KCTD8: variants seen among roughly 807,000 people sequenced by gnomAD.
KCTD8 encodes potassium channel tetramerization domain containing 8, also known as BTB/POZ domain-containing protein KCTD8.
In KCTD8, 27 loss-of-function variants were observed where a neutral mutation model predicts 31.5. The ratio of observed to expected loss-of-function variants is 0.86; its 90% CI spans 0.63 to 1.18. KCTD8 has a LOEUF of 1.18. Among genes scored for constraint, KCTD8 ranks in the 50% most tolerant of loss-of-function variants. The pLI is 0.00. For synonymous variants in KCTD8, 290 were observed against 280.0 expected, an observed-to-expected ratio of 1.04 and a Z score of -0.36; for missense variants, 658 against 647.7, an observed-to-expected ratio of 1.02 and a Z score of -0.17.
chr4:44,424,510 A>G (rs17461169), intron 1 of KCTD8, among the ~76,000 whole-genome samples: 8,180 of 152,092 alleles, frequency 0.054, 272 homozygotes, highest in Non-Finnish European at 0.08. Flanking sequence ...ACACCTACAT[A>G]CTGTTTGGGA....
At chr4:44,228,128 G>A (rs2109351276) in intron 1 of KCTD8, among the ~76,000 whole-genome samples, 1 of 152,170 alleles carries the variant, frequency 6.6e-6, no homozygotes, top group Non-Finnish European at 1.5e-5. Context: ...GTTTGCTAGG[G>A]CTGCCTTAAC....
intron 1 of KCTD8, among the ~76,000 whole-genome samples, chr4:44,333,230 C>T (rs1718636031): frequency 1.3e-5 from 2 of 152,128 alleles, no homozygotes; most frequent in East Asian, 1.9e-4. Context: ...TGAAGACAGA[C>T]AATCCAATAC....
At chr4:44,178,620 G>A (rs1387951) in intron 1 of KCTD8, among the ~76,000 whole-genome samples, 1 of 151,292 alleles carries the variant, frequency 6.6e-6, no homozygotes, top group Admixed American at 6.6e-5. Flanking sequence ...GGATAAATAA[G>A]TGATGAAAAA....
chr4:44,237,193 C>A (rs1715318401), intron 1 of KCTD8, among the ~76,000 whole-genome samples: 1 of 152,010 alleles, frequency 6.6e-6, no homozygotes, highest in Non-Finnish European at 1.5e-5. Flanking sequence ...TTTCCCACTG[C>A]ACTCCTAAAA....
chr4:44,220,790 T>C (rs1320728977), intron 1 of KCTD8, among the ~76,000 whole-genome samples: 1 of 152,144 alleles, frequency 6.6e-6, no homozygotes, highest in Non-Finnish European at 1.5e-5. Flanking sequence ...AAGAGAATAT[T>C]TAGGATGAAT....
At chr4:44,343,420 G>GTGACATCACTATTTTATTTA (rs1411360920) in intron 1 of KCTD8, among the ~76,000 whole-genome samples, 2 of 152,208 alleles carry the variant, frequency 1.3e-5, no homozygotes, top group East Asian at 3.9e-4. Flanking sequence ...AAATAAAATA[G>GTGACATCACTATTTTATTTA]TGACATCAAA....
At chr4:44,222,948 A>G (rs552499805) in intron 1 of KCTD8, among the ~76,000 whole-genome samples, 22 of 152,312 alleles carry the variant, frequency 1.4e-4, no homozygotes, top group African/African-American at 5.3e-4. Context: ...TGGTCCTTGT[A>G]AGTTATGATG....
chr4:44,374,930 C>T (rs1719882327), intron 1 of KCTD8, among the ~76,000 whole-genome samples: 1 of 152,002 alleles, frequency 6.6e-6, no homozygotes, highest in Admixed American at 6.6e-5. Flanking sequence ...TGAGCGCATG[C>T]TGTCAGAAAA....
chr4:44,341,943 C>T (rs866126930), intron 1 of KCTD8, among the ~76,000 whole-genome samples: 6 of 152,310 alleles, frequency 3.9e-5, no homozygotes, highest in African/African-American at 9.6e-5. Flanking sequence ...AAATGTATCT[C>T]TTAAATAGTA....
intron 1 of KCTD8, among the ~76,000 whole-genome samples, chr4:44,398,915 C>T (rs1418288599): frequency 6.6e-6 from 1 of 152,076 alleles, no homozygotes; most frequent in East Asian, 1.9e-4. Context: ...ATAGGCCCAG[C>T]CAGATCATCC....
intron 1 of KCTD8, among the ~76,000 whole-genome samples, chr4:44,323,506 C>T (rs563542821): frequency 7.4e-6 from 1 of 134,668 alleles, no homozygotes; most frequent in Non-Finnish European, 1.6e-5. Flanking sequence ...ACCCACCCCC[C>T]CCCAAAAAAA....
At chr4:44,295,064 A>AG (rs1394402609) in intron 1 of KCTD8, among the ~76,000 whole-genome samples, 6 of 152,136 alleles carry the variant, frequency 3.9e-5, no homozygotes, top group Non-Finnish European at 7.4e-5. Flanking sequence ...AGCCTGAGGC[A>AG]GGGGGATCCC....
chr4:44,279,807 T>C (rs1003344043), intron 1 of KCTD8, among the ~76,000 whole-genome samples: 2 of 152,064 alleles, frequency 1.3e-5, no homozygotes, highest in African/African-American at 4.8e-5. Flanking sequence ...CACCACAACA[T>C]ATATATACAT....
chr4:44,242,736 G>A (rs565315966), intron 1 of KCTD8, among the ~76,000 whole-genome samples: 15 of 152,246 alleles, frequency 9.9e-5, no homozygotes, highest in African/African-American at 3.4e-4. Flanking sequence ...TCTCATGAAT[G>A]GTTTAGCACC....
At chr4:44,413,233 T>C (rs1476063406) in intron 1 of KCTD8, among the ~76,000 whole-genome samples, 2 of 152,190 alleles carry the variant, frequency 1.3e-5, no homozygotes, top group East Asian at 1.9e-4. Context: ...GTAGCATCAG[T>C]ACATCTAAAT....
chr4:44,419,689 C>T (rs557198841), intron 1 of KCTD8, among the ~76,000 whole-genome samples: 22 of 150,912 alleles, frequency 1.5e-4, no homozygotes, highest in African/African-American at 4.9e-4. Context: ...TGTCACATAC[C>T]GGGGCCTGTC....
chr4:44,416,760 T>G (rs897118748), intron 1 of KCTD8, among the ~76,000 whole-genome samples: 2 of 152,188 alleles, frequency 1.3e-5, no homozygotes, highest in Non-Finnish European at 2.9e-5. Context: ...GTTTCCTGTA[T>G]AGCCTGCAGA....
chr4:44,275,186 C>T (rs1331993397), intron 1 of KCTD8, among the ~76,000 whole-genome samples: 6 of 151,864 alleles, frequency 4.0e-5, no homozygotes, highest in Admixed American at 3.3e-4. Flanking sequence ...GATGTAAGTG[C>T]ACATGTGACT....
intron 1 of KCTD8, among the ~76,000 whole-genome samples, chr4:44,378,376 GT>G (rs1719973029): frequency 6.6e-6 from 1 of 151,006 alleles, no homozygotes; most frequent in African/African-American, 2.4e-5. Flanking sequence ...AAATTAATGG[GT>G]GCAGCACACC....
Sources: gnomAD v4.1 joint callset for allele counts (sites outside exome capture counted in the v4.1 genomes callset) on GRCh38, gnomAD v4.1.1 for gene constraint, MANE v1.5 for transcripts, NCBI Gene and HGNC (gene_info 2026-07-23, HGNC 2026-07-21) for gene names.